CALN1: variants seen among roughly 807,000 people sequenced by gnomAD.
CALN1 encodes the protein calcium-binding protein 8.
CALN1 carries 17 observed loss-of-function variants against 30.6 expected under a neutral mutation model. The observed-to-expected ratio is 0.56, with a 90% CI of 0.38 to 0.83. CALN1 has a LOEUF of 0.83. Among genes scored for constraint, CALN1 ranks in the 40% least tolerant of loss-of-function variants. CALN1 has a pLI of 0.00. For missense variants in CALN1, 291 were observed against 354.9 expected, an observed-to-expected ratio of 0.82 and a Z score of 1.45; for synonymous variants, 156 against 131.4, an observed-to-expected ratio of 1.19 and a Z score of -1.28.
chr7:72,286,331 A>T (rs12699131), intron 2 of CALN1, among the ~76,000 whole-genome samples: 1 of 151,910 alleles, frequency 6.6e-6, no homozygotes, highest in African/African-American at 2.4e-5. Flanking sequence ...CTCATGGATC[A>T]TAACTCCCAG....
Position 72,125,862 on chromosome 7 carries a change from C to T in CALN1, c.245-19568G>A, listed in dbSNP as rs1378000150. ...TGTCGCCCAGGCTAGAGTGCAGTGG[C>T]GTGATCTCAGCTCACTGCAAACCAC... is the stretch of plus-strand genomic sequence containing the variant. On this transcript the variant is annotated intron_variant, in intron 3 of 6. Coordinates refer to ENST00000395275, the MANE Select transcript of CALN1 (RefSeq NM_031468.4). Among the ~76,000 whole-genome samples, 13 of 139,422 alleles carry T rather than the reference C, an allele frequency of 9.3e-5. No homozygotes were observed. In the East Asian group the frequency reaches 1.8e-3, roughly 20 times the overall value. 91.5% of individuals were successfully genotyped at this position (139,422 alleles called of 152,430 possible).
chr7:72,492,162 G>A, the CALN1 span, among the ~76,000 whole-genome samples: 61,600 of 152,024 alleles, frequency 0.41, 12,793 homozygotes, highest in African/African-American at 0.48. Flanking sequence ...ACAGAAATGT[G>A]CCACCTTGGC....
At chr7:72,312,394 GAA>G (rs768174448) in intron 2 of CALN1, among the ~76,000 whole-genome samples, 13 of 71,824 alleles carry the variant, frequency 1.8e-4, no homozygotes, top group Admixed American at 3.3e-4. Context: ...CTTCATCTCA[GAA>G]AAAAAAAAAA....
At chr7:71,801,669 G>C (rs764644728) in intron 6 of CALN1, among the ~76,000 whole-genome samples, 22 of 152,052 alleles carry the variant, frequency 1.4e-4, no homozygotes, top group Non-Finnish European at 2.6e-4. Flanking sequence ...AGTAATTGCA[G>C]TTTTTGCTGT....
intron 3 of CALN1, among the ~76,000 whole-genome samples, chr7:72,109,084 C>T (rs960089264): frequency 6.6e-5 from 10 of 152,088 alleles, no homozygotes; most frequent in African/African-American, 1.9e-4. Context: ...GTGTGTTCCC[C>T]GCCCACATTG....
intron 4 of CALN1, among the ~76,000 whole-genome samples, chr7:72,039,356 C>T (rs1299792241): frequency 6.6e-6 from 1 of 152,162 alleles, no homozygotes; most frequent in Non-Finnish European, 1.5e-5. Context: ...AAACACTTTG[C>T]TCTTTCTCAC....
At chr7:72,314,975 T>G (rs1800339205) in intron 2 of CALN1, among the ~76,000 whole-genome samples, 1 of 131,480 alleles carries the variant, frequency 7.6e-6, no homozygotes, top group African/African-American at 3.2e-5. Flanking sequence ...GTGAGACCCA[T>G]CTCTACAAAA....
intron 2 of CALN1, among the ~76,000 whole-genome samples, chr7:72,345,136 A>G (rs939161208): frequency 2.7e-5 from 4 of 149,872 alleles, no homozygotes; most frequent in African/African-American, 9.7e-5. Context: ...TATGTATTAG[A>G]TACTATTATA....
chr7:71,859,162 A>G (rs1295228280), intron 5 of CALN1, among the ~76,000 whole-genome samples: 8 of 152,080 alleles, frequency 5.3e-5, no homozygotes, highest in Admixed American at 5.2e-4. Flanking sequence ...TCCTGGGTTC[A>G]AGCAATTCTC....
At chr7:72,246,961 T>G (rs1393003887) in intron 3 of CALN1, among the ~76,000 whole-genome samples, 1 of 151,758 alleles carries the variant, frequency 6.6e-6, no homozygotes, top group Non-Finnish European at 1.5e-5. Flanking sequence ...TCCATGTTGG[T>G]CAGGCTAGTC....
At position 72,023,768 on chromosome 7, in the gene CALN1, C is replaced by A; in HGVS notation, c.390G>T (p.Gly130=). The part of the protein sequence containing the change: ...AIIMQRLDMD[G]DGQVDFDEFM... ...ATTCATCAAAATCCACCTGGCCATCCCCTGCAAGGAGAAGATGTAAATATG... is the reference window on the plus strand; with the variant it reads ...ATTCATCAAAATCCACCTGGCCATCACCTGCAAGGAGAAGATGTAAATATG... Residue 130 remains glycine (G), a splice_region_variant and synonymous_variant, in exon 5 of 7, where the codon GGG becomes GGT. Transcript: ENST00000395275. 2 of 1,612,834 alleles carry A rather than the reference C, an allele frequency of 1.2e-6. No individual in the cohort carries two copies. The highest frequency in any genetic ancestry group is 1.1e-5 in the South Asian group (1 of 90,962).
chr7:72,001,149 C>T (rs1344095366), intron 5 of CALN1, among the ~76,000 whole-genome samples: 1 of 152,114 alleles, frequency 6.6e-6, no homozygotes. Flanking sequence ...GTAGAAAAAC[C>T]TGAAACTGGT....
intron 3 of CALN1, among the ~76,000 whole-genome samples, chr7:72,225,339 G>C (rs908051968): frequency 1.3e-5 from 2 of 151,986 alleles, no homozygotes; most frequent in African/African-American, 4.8e-5. Flanking sequence ...TAAGCACCCT[G>C]CTTCGGTTCT....
chr7:72,222,785 C>T (rs1261125116), intron 3 of CALN1, among the ~76,000 whole-genome samples: 1 of 152,124 alleles, frequency 6.6e-6, no homozygotes, highest in Non-Finnish European at 1.5e-5. Flanking sequence ...CTTTAGGAGA[C>T]CAAAGGGCAA....
intron 2 of CALN1, among the ~76,000 whole-genome samples, chr7:72,343,225 T>C (rs771496619): frequency 7.2e-5 from 11 of 152,212 alleles, no homozygotes; most frequent in Non-Finnish European, 1.5e-4. Context: ...AAAGAACGCC[T>C]GAGTCACGTC....
chr7:71,932,605 A>C (rs1795611643), intron 5 of CALN1, among the ~76,000 whole-genome samples: 1 of 152,012 alleles, frequency 6.6e-6, no homozygotes, highest in Non-Finnish European at 1.5e-5. Context: ...CAACGTCAGG[A>C]GATCAAGACC....
chr7:72,086,719 G>A lies in CALN1; in HGVS notation c.388+19432C>T, dbSNP rs567269572. On this transcript the variant is annotated intron_variant, in intron 4 of 6. Coordinates refer to ENST00000395275, the MANE Select transcript of CALN1 (RefSeq NM_031468.4). ...AAAGTGCTGGGATTTTTACACAGGC[G>A]TGAGCCACTGCACCTGGCCCAATTA... Among the ~76,000 whole-genome samples the A allele has an allele frequency of 4.6e-5, 7 of 152,238 alleles. No homozygotes were observed. The South Asian group carries it at 1.2e-3, about 27-fold the overall frequency.
chr7:72,359,488 G>C (rs1053316040), intron 2 of CALN1, among the ~76,000 whole-genome samples: 3 of 152,064 alleles, frequency 2.0e-5, no homozygotes, highest in Admixed American at 6.6e-5. Flanking sequence ...TTTTTCACTT[G>C]ACAAGGTACT....
At chr7:72,296,918 T>C (rs1439563376) in intron 2 of CALN1, among the ~76,000 whole-genome samples, 2 of 151,996 alleles carry the variant, frequency 1.3e-5, no homozygotes, top group Admixed American at 6.6e-5. Flanking sequence ...ATGTGTTTGC[T>C]CTTGCTTTTC....
Sources: gnomAD v4.1 joint callset for allele counts (sites outside exome capture counted in the v4.1 genomes callset) on GRCh38, gnomAD v4.1.1 for gene constraint, MANE v1.5 for transcripts, NCBI Gene and HGNC (gene_info 2026-07-23, HGNC 2026-07-21) for gene names.